ADRA1B: variants seen among roughly 807,000 people sequenced by gnomAD.
ADRA1B encodes the protein adrenoceptor alpha 1B.
ADRA1B carries 17 observed loss-of-function variants against 17.9 expected under a neutral mutation model. The ratio of observed to expected loss-of-function variants is 0.95; its 90% CI spans 0.65 to 1.42. The LOEUF (loss-of-function observed/expected upper bound fraction) is 1.42, where lower values mean the gene tolerates loss of function less well. Among genes scored for constraint, ADRA1B ranks in the 40% most tolerant of loss-of-function variants. The probability of loss-of-function intolerance (pLI) is 0.00; values close to 1 mark genes in which losing one functional copy is unlikely to be tolerated. For missense variants in ADRA1B, 681 were observed against 722.1 expected, an observed-to-expected ratio of 0.94 and a Z score of 0.65; for synonymous variants, 366 against 327.6, an observed-to-expected ratio of 1.12 and a Z score of -1.27.
At chr5:159,915,943 C>T (rs2113141736), upstream of ADRA1B, among the ~76,000 whole-genome samples, 1 of 152,282 alleles carries the variant, frequency 6.6e-6, no homozygotes, top group Non-Finnish European at 1.5e-5. Flanking sequence ...TAAGAATCGG[C>T]TGAATAAATG....
chr5:159,971,830 T>G, intron 1 of ADRA1B, 49 bp from the exon 2 acceptor site: 1 of 1,310,026 alleles, frequency 7.6e-7, no homozygotes. Context: ...GCTTGACTAC[T>G]CACAAATTGC....
At chr5:159,925,402 G>A (rs74417290) in intron 1 of ADRA1B, among the ~76,000 whole-genome samples, 4,921 of 152,210 alleles carry the variant, frequency 0.032, 96 homozygotes, top group Middle Eastern at 0.044. Context: ...TGTCACATAC[G>A]GTTTTCAGAT....
intron 1 of ADRA1B, among the ~76,000 whole-genome samples, chr5:159,937,062 C>T (rs1329337326): frequency 3.9e-5 from 6 of 152,182 alleles, no homozygotes; most frequent in Non-Finnish European, 8.8e-5. Flanking sequence ...GCAACCCAAG[C>T]AGTCTGGGTT....
chr5:159,979,607 A>G, the ADRA1B span, among the ~76,000 whole-genome samples: 9,337 of 152,176 alleles, frequency 0.061, 980 homozygotes, highest in African/African-American at 0.21. Flanking sequence ...GGTGGCTCAC[A>G]CCTGTAATCC....
the ADRA1B span, among the ~76,000 whole-genome samples, chr5:159,982,629 C>T: frequency 6.6e-6 from 1 of 151,894 alleles, no homozygotes; most frequent in Admixed American, 6.5e-5. Context: ...GTTCTGTGCA[C>T]CCCCAGCCTG....
chr5:159,977,063 C>G (rs774096917), downstream of ADRA1B, among the ~76,000 whole-genome samples: 14 of 152,282 alleles, frequency 9.2e-5, no homozygotes, highest in Admixed American at 3.3e-4. Context: ...CCTTGTATAT[C>G]CTCCATTCCA....
chr5:159,988,417 T>G, the ADRA1B span, among the ~76,000 whole-genome samples: 1 of 152,258 alleles, frequency 6.6e-6, no homozygotes, highest in Non-Finnish European at 1.5e-5. Flanking sequence ...TATTTTGTAA[T>G]GCTTTGTTAC....
At chr5:159,966,738 A>G (rs1355084092) in intron 1 of ADRA1B, among the ~76,000 whole-genome samples, 2 of 152,228 alleles carry the variant, frequency 1.3e-5, no homozygotes, top group Admixed American at 6.5e-5. Context: ...GTCAGGGCTT[A>G]AATGTGGAAA....
chr5:159,886,812 G>GA lies in ADRA1B; in HGVS notation c.-256+21614dup, dbSNP rs35185975. Among the ~76,000 whole-genome samples the GA allele has an allele frequency of 7.4e-4, 112 of 151,620 alleles. 1 individual carries two copies. Among genetic ancestry groups the GA allele is most frequent in the Admixed American group, 3.1e-3 (48 of 15,266 alleles). On this transcript the variant is annotated intron_variant, in intron 1 of 2. Coordinates refer to the ADRA1B transcript ENST00000641205. ...TCAGTTCAGTTACTCGCCAGCTGAT[G>GA]AAAAAAAAGAGAGTAATGGAACTTT...
chr5:159,955,020 C>T (rs1425118536), intron 1 of ADRA1B: 2 of 450,372 alleles, frequency 4.4e-6, no homozygotes, highest in Admixed American at 6.4e-5. Context: ...GATAAGGGTT[C>T]ATCTTGCTGG....
intron 1 of ADRA1B, among the ~76,000 whole-genome samples, chr5:159,936,698 G>A (rs796866370): frequency 2.0e-5 from 3 of 152,140 alleles, no homozygotes; most frequent in African/African-American, 7.2e-5. Flanking sequence ...CCAGGAACTG[G>A]CGTGGCTGTA....
intron 1 of ADRA1B, among the ~76,000 whole-genome samples, chr5:159,884,595 A>T (rs1354414836): frequency 2.0e-5 from 3 of 152,218 alleles, no homozygotes; most frequent in Non-Finnish European, 1.5e-5. Flanking sequence ...TAAATTACCC[A>T]GTCTGTGATA....
At chr5:159,920,819 T>C (rs1019459269) in intron 1 of ADRA1B, among the ~76,000 whole-genome samples, 6 of 152,204 alleles carry the variant, frequency 3.9e-5, no homozygotes, top group African/African-American at 1.4e-4. Context: ...CAATAACTTC[T>C]TTGGAATCTG....
At chr5:159,952,855 C>T (rs967577870) in intron 1 of ADRA1B, among the ~76,000 whole-genome samples, 17 of 152,194 alleles carry the variant, frequency 1.1e-4, no homozygotes, top group African/African-American at 4.1e-4. Flanking sequence ...AATCAGCACA[C>T]ATTCTCCACC....
chr5:159,897,689 G>A (rs577445668), intron 1 of ADRA1B, among the ~76,000 whole-genome samples: 10 of 152,206 alleles, frequency 6.6e-5, no homozygotes, highest in African/African-American at 2.4e-4. Context: ...AAGAGCCCAG[G>A]CCTGTCCTTG....
upstream of ADRA1B, among the ~76,000 whole-genome samples, chr5:159,913,154 A>G (rs1392139805): frequency 6.6e-6 from 1 of 152,224 alleles, no homozygotes; most frequent in Non-Finnish European, 1.5e-5. Context: ...GAGTTCTGCA[A>G]CATCAGAGGT....
Position 159,961,509 on chromosome 5 carries a change from G to A in ADRA1B, c.950-10370G>A, listed in dbSNP as rs373727998. Among the ~76,000 whole-genome samples the A allele has an allele frequency of 3.4e-4, 52 of 152,270 alleles. No individual in the cohort carries two copies. In the East Asian group the frequency reaches 8.7e-3, roughly 25 times the overall value. ...CTTGAAGGGAATTTCCAAATCCAAG[G>A]AAACCTTCTTTTACAAAGCTGGTGC... On this transcript the variant is annotated intron_variant, in intron 1 of 1. Transcript: ENST00000306675.
intron 1 of ADRA1B, among the ~76,000 whole-genome samples, chr5:159,953,416 A>G (rs1174353217): frequency 1.3e-5 from 2 of 151,988 alleles, no homozygotes; most frequent in East Asian, 3.8e-4. Flanking sequence ...CTCCTTTCCA[A>G]ACTATCCCCA....
chr5:159,896,023 A>G (rs1022030986), intron 1 of ADRA1B, among the ~76,000 whole-genome samples: 5 of 152,210 alleles, frequency 3.3e-5, no homozygotes, highest in Admixed American at 6.5e-5. Flanking sequence ...TAGGTGCTCA[A>G]TAAATACTTG....
Sources: allele counts gnomAD v4.1 joint callset (sites outside exome capture counted in the v4.1 genomes callset), GRCh38; gene constraint gnomAD v4.1.1; transcripts MANE v1.5; gene names NCBI Gene and HGNC (gene_info 2026-07-23, HGNC 2026-07-21).